The following IPP variants were observed in gnomAD, a reference collection of about 807,000 sequenced individuals.
IPP encodes actin-binding protein IPP.
In IPP, 41 loss-of-function variants were observed where a neutral mutation model predicts 64.1. That is an observed-to-expected ratio of 0.64 (90% CI 0.50 to 0.83). The LOEUF (loss-of-function observed/expected upper bound fraction) is 0.83. IPP is among the 40% of genes least tolerant of loss of function. IPP has a pLI of 0.00. For synonymous variants in IPP, 214 were observed against 235.2 expected (o/e 0.91, Z 0.83); for missense variants, 649 against 703.0 (o/e 0.92, Z 0.87).
rs1441153122 is a variant in IPP, at chr1:45,741,209, C to T, written c.416G>A (p.Cys139Tyr). 1 of 1,614,116 alleles carries T rather than the reference C, an allele frequency of 6.2e-7. No individual in the cohort carries two copies. Among genetic ancestry groups the T allele is most frequent in the Non-Finnish European group, 8.5e-7 (1 of 1,179,998 alleles). The change falls in exon 3 of 9, where the codon TGC becomes TAC. Residue 139 changes from cysteine (C) to tyrosine (Y), a missense_variant. Coordinates refer to ENST00000396478, the MANE Select transcript of IPP (RefSeq NM_005897.3). ...FLKGQIDPLN[C>Y]IGIFQFSEQI... is the part of the protein sequence containing the mutation. Reference sequence around the variant, plus strand: ...CTCAGAGAACTGAAAAATTCCAATGCAGTTCAGTGGATCAATTTGTCCTTT... The same window carrying T: ...CTCAGAGAACTGAAAAATTCCAATGTAGTTCAGTGGATCAATTTGTCCTTT...
At chr1:45,726,920 T>G (rs1645836330) in intron 5 of IPP, among the ~76,000 whole-genome samples, 1 of 152,110 alleles carries the variant, frequency 6.6e-6, no homozygotes, top group Admixed American at 6.6e-5. Context: ...GAGACAAGGT[T>G]TCACCATGTT....
intron 6 of IPP, 141 bp from the exon 7 acceptor site, chr1:45,717,158 G>T: frequency 2.7e-5 from 13 of 487,708 alleles, no homozygotes; most frequent in Non-Finnish European, 3.2e-5. Context: ...ACGATCCCAT[G>T]AAAAAGTTAG....
chr1:45,742,437 G>C (rs1448510610), intron 2 of IPP, among the ~76,000 whole-genome samples: 1 of 152,174 alleles, frequency 6.6e-6, no homozygotes, highest in African/African-American at 2.4e-5. Context: ...TTTAACATAA[G>C]GTTATATGCA....
intron 3 of IPP, among the ~76,000 whole-genome samples, chr1:45,732,140 AC>A (rs1293642082): frequency 6.6e-6 from 1 of 151,842 alleles, no homozygotes; most frequent in African/African-American, 2.4e-5. Flanking sequence ...CGGGTGGATC[AC>A]CTGAGGTCAA....
intron 8 of IPP, among the ~76,000 whole-genome samples, chr1:45,703,065 G>T (rs1021693739): frequency 1.3e-5 from 2 of 151,898 alleles, no homozygotes; most frequent in Admixed American, 6.6e-5. Flanking sequence ...TTTTAATCCA[G>T]ATTTAAGAAG....
chr1:45,702,024 T>C (rs1275332465), intron 8 of IPP, among the ~76,000 whole-genome samples: 1 of 152,170 alleles, frequency 6.6e-6, no homozygotes, highest in African/African-American at 2.4e-5. Context: ...AACTGAAAAA[T>C]ACTTACATTT....
At chr1:45,708,379 TA>T (rs1316070766) in intron 8 of IPP, among the ~76,000 whole-genome samples, 1 of 144,444 alleles carries the variant, frequency 6.9e-6, no homozygotes, top group African/African-American at 2.5e-5. Context: ...TGATTAAAGA[TA>T]AAAAAAAGCA....
At chr1:45,717,548 C>T (rs1645677631) in intron 6 of IPP, among the ~76,000 whole-genome samples, 2 of 151,732 alleles carry the variant, frequency 1.3e-5, no homozygotes. Flanking sequence ...CTGTGTCACC[C>T]AGGCTGGAGT....
chr1:45,739,159 C>T (rs1423563505), intron 3 of IPP, among the ~76,000 whole-genome samples: 1 of 152,074 alleles, frequency 6.6e-6, no homozygotes, highest in African/African-American at 2.4e-5. Flanking sequence ...AGAATTACAC[C>T]GTTAATGCTT....
chr1:45,745,379 A>G (rs1451563886), intron 2 of IPP, among the ~76,000 whole-genome samples: 1 of 152,176 alleles, frequency 6.6e-6, no homozygotes, highest in East Asian at 1.9e-4. Flanking sequence ...TTGTGTTTCA[A>G]ACAAAATAGG....
At chr1:45,734,382 T>C (rs1028581749) in intron 3 of IPP, among the ~76,000 whole-genome samples, 5 of 151,920 alleles carry the variant, frequency 3.3e-5, no homozygotes. Context: ...TTTAGGTAAA[T>C]TTTTTGTATT....
intron 8 of IPP, among the ~76,000 whole-genome samples, chr1:45,712,584 C>T (rs370156928): frequency 1.3e-4 from 19 of 151,356 alleles, no homozygotes; most frequent in Admixed American, 1.1e-3. Flanking sequence ...AGGCCGGGCA[C>T]GGTGGGCTCA....
chr1:45,735,621 ATTTTTTTTT>A (rs1160000550), intron 3 of IPP, among the ~76,000 whole-genome samples: 1 of 57,466 alleles, frequency 1.7e-5, no homozygotes, highest in Non-Finnish European at 3.1e-5. Flanking sequence ...AGACCTGGCT[ATTTTTTTTT>A]TTTTTTTTTT....
intron 2 of IPP, among the ~76,000 whole-genome samples, chr1:45,744,352 C>A (rs1646106363): frequency 1.3e-5 from 2 of 152,000 alleles, no homozygotes; most frequent in South Asian, 4.2e-4. Flanking sequence ...CTCTTTCTTT[C>A]CCCTTCCCCT....
chr1:45,730,710 G>T (rs1039123476), intron 3 of IPP, among the ~76,000 whole-genome samples: 3 of 138,258 alleles, frequency 2.2e-5, no homozygotes, highest in African/African-American at 7.7e-5. Flanking sequence ...TTGCACAAAG[G>T]CATTATAATG....
chr1:45,741,785 C>T (rs1389029574), intron 2 of IPP, among the ~76,000 whole-genome samples: 2 of 126,752 alleles, frequency 1.6e-5, no homozygotes, highest in African/African-American at 5.6e-5. Context: ...CCCGCCACTG[C>T]GCCCGGCTAA....
At position 45,724,059 on chromosome 1, in the gene IPP, C is replaced by T. The variant is rs567876218; in HGVS notation, c.1048+3572G>A. 2.9e-4 allele frequency among the ~76,000 whole-genome samples: 43 copies of T among 150,126 alleles called. 1 individual carries two copies. The Middle Eastern group carries it at 0.035, about 122-fold the overall frequency. ...CAAAGCTGGACTGTACTGCTGCCAT[C>T]TCGGCTCACTGCAACCTCCCTGCCT... is the stretch of plus-strand genomic sequence containing the variant. On this transcript the variant is annotated intron_variant, in intron 5 of 8. Transcript: ENST00000396478.
chr1:45,750,370 C>A (rs1351313685), intron 1 of IPP, among the ~76,000 whole-genome samples: 1 of 152,192 alleles, frequency 6.6e-6, no homozygotes, highest in Non-Finnish European at 1.5e-5. Flanking sequence ...CCTCAGGATT[C>A]CCCAGTTGGG....
intron 5 of IPP, among the ~76,000 whole-genome samples, chr1:45,723,871 T>A (rs1014841796): frequency 2.0e-5 from 3 of 152,068 alleles, no homozygotes; most frequent in East Asian, 1.9e-4. Context: ...CAATTTTTTT[T>A]TATATACAGT....
Sources: allele counts gnomAD v4.1 joint callset (sites outside exome capture counted in the v4.1 genomes callset), GRCh38; gene constraint gnomAD v4.1.1; transcripts MANE v1.5; gene names NCBI Gene and HGNC (gene_info 2026-07-23, HGNC 2026-07-21).